APBB1IP: variants seen among roughly 807,000 people sequenced by gnomAD.
The protein encoded by APBB1IP is amyloid beta precursor protein binding family B member 1 interacting protein.
APBB1IP carries 27 observed loss-of-function variants against 64.9 expected under a neutral mutation model. The ratio of observed to expected loss-of-function variants is 0.42; its 90% CI spans 0.31 to 0.57. The LOEUF (loss-of-function observed/expected upper bound fraction) is 0.57, where lower values mean the gene tolerates loss of function less well. Among genes scored for constraint, APBB1IP ranks in the 20% least tolerant of loss-of-function variants. APBB1IP has a pLI of 0.20. For missense variants in APBB1IP, 812 were observed against 845.5 expected, an observed-to-expected ratio of 0.96 and a Z score of 0.49; for synonymous variants, 392 against 331.0, an observed-to-expected ratio of 1.18 and a Z score of -2.00.
intron 8 of APBB1IP, among the ~76,000 whole-genome samples, chr10:26,526,733 AAT>A (rs1164071154): frequency 1.2e-4 from 19 of 152,090 alleles, no homozygotes; most frequent in Non-Finnish European, 2.6e-4. Context: ...TAATAATAAT[AAT>A]AATAATATCA....
At chr10:26,521,574 T>C (rs938767256) in intron 8 of APBB1IP, among the ~76,000 whole-genome samples, 1 of 152,212 alleles carries the variant, frequency 6.6e-6, no homozygotes, top group South Asian at 2.1e-4. Flanking sequence ...CTTCCTCAGC[T>C]TACTTATCTG....
At chr10:26,519,705 G>A (rs1836380310) in intron 8 of APBB1IP, among the ~76,000 whole-genome samples, 1 of 152,114 alleles carries the variant, frequency 6.6e-6, no homozygotes, top group South Asian at 2.1e-4. Flanking sequence ...GTTCTTAAAA[G>A]CCAACTTTTA....
chr10:26,552,012 G>T (rs893792711), intron 11 of APBB1IP, among the ~76,000 whole-genome samples: 1 of 152,120 alleles, frequency 6.6e-6, no homozygotes, highest in East Asian at 1.9e-4. Flanking sequence ...TCAAAACATG[G>T]TTCAGGGCAG....
intron 2 of APBB1IP, among the ~76,000 whole-genome samples, chr10:26,463,916 T>A (rs2132408642): frequency 6.6e-6 from 1 of 152,278 alleles, no homozygotes; most frequent in East Asian, 1.9e-4. Flanking sequence ...GGACAGGCCC[T>A]GGTGTGTGAT....
intron 2 of APBB1IP, among the ~76,000 whole-genome samples, chr10:26,447,148 C>G (rs938924467): frequency 6.6e-6 from 1 of 151,632 alleles, no homozygotes; most frequent in Non-Finnish European, 1.5e-5. Context: ...CTGAGGAGGG[C>G]AGATCACGAG....
At chr10:26,537,450 A>G (rs1441641708) in intron 10 of APBB1IP, among the ~76,000 whole-genome samples, 1 of 151,168 alleles carries the variant, frequency 6.6e-6, no homozygotes, top group South Asian at 2.1e-4. Context: ...AGCCTCTTCC[A>G]CTCTTTTCCT....
At chr10:26,547,418 G>GGTTT (rs953276290) in intron 11 of APBB1IP, among the ~76,000 whole-genome samples, 5 of 151,672 alleles carry the variant, frequency 3.3e-5, no homozygotes, top group African/African-American at 7.2e-5. Context: ...TCTTTTTGTT[G>GGTTT]GTTTGTTTGT....
At chr10:26,468,372 G>A (rs1239503633) in intron 2 of APBB1IP, among the ~76,000 whole-genome samples, 1 of 152,084 alleles carries the variant, frequency 6.6e-6, no homozygotes, top group Non-Finnish European at 1.5e-5. Flanking sequence ...AAATATTCAA[G>A]GTATGAATTC....
intron 2 of APBB1IP, among the ~76,000 whole-genome samples, chr10:26,489,239 T>C (rs950818282): frequency 3.9e-5 from 6 of 152,150 alleles, no homozygotes; most frequent in African/African-American, 9.7e-5. Context: ...AGTTTTTGTG[T>C]TTCTCAAGAG....
intron 9 of APBB1IP, among the ~76,000 whole-genome samples, chr10:26,534,241 A>G (rs909870662): frequency 2.1e-4 from 29 of 134,968 alleles, no homozygotes; most frequent in African/African-American, 7.0e-4. Flanking sequence ...TGGGAGGATC[A>G]CTTGAGTCCA....
At chr10:26,446,096 A>G (rs1174772006) in intron 2 of APBB1IP, among the ~76,000 whole-genome samples, 3 of 152,192 alleles carry the variant, frequency 2.0e-5, no homozygotes, top group African/African-American at 7.2e-5. Flanking sequence ...GTGGGGCAGA[A>G]GCGGGGAATC....
chr10:26,533,905 T>C (rs1836585921), intron 9 of APBB1IP, among the ~76,000 whole-genome samples: 1 of 152,082 alleles, frequency 6.6e-6, no homozygotes. Flanking sequence ...GTGTGAGATT[T>C]GGAGTCAGGG....
chr10:26,505,032 A>T (rs2132440627), intron 6 of APBB1IP, among the ~76,000 whole-genome samples: 1 of 152,316 alleles, frequency 6.6e-6, no homozygotes, highest in South Asian at 2.1e-4. Flanking sequence ...GTGGGATTAC[A>T]GGTGTGAGCC....
At position 26,500,688 on chromosome 10, in the gene APBB1IP, A is replaced by G. The variant is rs868782889; in HGVS notation, c.161-131A>G. The G allele has an allele frequency of 1.6e-5, 14 of 865,056 alleles. No homozygotes were observed. The Middle Eastern group carries it at 1.3e-3, about 81-fold the overall frequency. The allele number at this position is 865,056 out of a possible 1,614,324, so 53.6% of individuals were successfully genotyped here. ...GTGCTATTGAATTAAAATATTCTCA[A>G]TCTTCTCATATCATAACCAATCAAG... On this transcript the variant is annotated intron_variant, in intron 4 of 14. Coordinates refer to ENST00000376236, the MANE Select transcript of APBB1IP (RefSeq NM_019043.4).
chr10:26,567,379 C>G lies in APBB1IP; in HGVS notation c.1892C>G (p.Pro631Arg), dbSNP rs746218305. 7 of 1,578,234 alleles carry G rather than the reference C, an allele frequency of 4.4e-6. No homozygotes were observed. Among genetic ancestry groups the G allele is most frequent in the African/African-American group, 4.1e-5 (3 of 73,890 alleles). The change falls in exon 15 of 15, where the codon CCC (proline) becomes CGC (arginine). Residue 631 changes from proline (P) to arginine (R), a missense_variant. Pro to Arg is a moderately radical substitution (Grantham distance 103). Coordinates refer to ENST00000376236, the MANE Select transcript of APBB1IP (RefSeq NM_019043.4). ...GTGGCCAAGAGGCCTCCTGTGCCCC[C>G]CAAGAGGCAAGAGAACCCAGGGCAC... The part of the protein sequence containing the change: ...PAVAKRPPVP[P>R]KRQENPGHPG...
At chr10:26,469,497 T>C (rs540742004) in intron 2 of APBB1IP, among the ~76,000 whole-genome samples, 1 of 152,292 alleles carries the variant, frequency 6.6e-6, no homozygotes, top group Non-Finnish European at 1.5e-5. Context: ...GTGATCCATC[T>C]GCCTGGCCTC....
At chr10:26,497,926 C>T (rs1425460883) in intron 4 of APBB1IP, among the ~76,000 whole-genome samples, 4 of 151,812 alleles carry the variant, frequency 2.6e-5, no homozygotes, top group Non-Finnish European at 5.9e-5. Context: ...GGGGTTTTGC[C>T]ATGTTGGCTA....
intron 2 of APBB1IP, among the ~76,000 whole-genome samples, chr10:26,459,045 T>C (rs989110965): frequency 5.3e-5 from 8 of 150,278 alleles, no homozygotes; most frequent in Non-Finnish European, 1.2e-4. Flanking sequence ...CCCATTAACT[T>C]GTCATTTAGC....
chr10:26,461,371 A>T (rs1835590182), intron 2 of APBB1IP, among the ~76,000 whole-genome samples: 1 of 152,048 alleles, frequency 6.6e-6, no homozygotes, highest in Non-Finnish European at 1.5e-5. Context: ...CTCATTAAAT[A>T]CTCTGTTATT....
Sources: gnomAD v4.1 joint callset for allele counts (sites outside exome capture counted in the v4.1 genomes callset) on GRCh38, gnomAD v4.1.1 for gene constraint, MANE v1.5 for transcripts, NCBI Gene and HGNC (gene_info 2026-07-23, HGNC 2026-07-21) for gene names.